Variants in FGF12 observed in about 807,000 individuals in gnomAD.
The protein encoded by FGF12 is fibroblast growth factor 12B.
FGF12 carries 14 observed loss-of-function variants against 23.6 expected under a neutral mutation model. The observed-to-expected ratio is 0.59, with a 90% CI of 0.39 to 0.93. The LOEUF (loss-of-function observed/expected upper bound fraction) is 0.93, where lower values mean the gene tolerates loss of function less well. Ranked by LOEUF, FGF12 falls within the 40% of genes least tolerant of loss-of-function variation. FGF12 has a pLI of 0.00. For missense variants in FGF12, 175 were observed against 217.8 expected, an observed-to-expected ratio of 0.80 and a Z score of 1.24; for synonymous variants, 62 against 77.3, an observed-to-expected ratio of 0.80 and a Z score of 1.04.
chr3:192,393,849 A>G (rs551876353), intron 2 of FGF12, among the ~76,000 whole-genome samples: 57 of 152,290 alleles, frequency 3.7e-4, no homozygotes, highest in Non-Finnish European at 6.3e-4. Context: ...CAAGGCTGAT[A>G]TTTAGTAAAC....
At chr3:192,568,359 C>A (rs546946578) in intron 2 of FGF12, among the ~76,000 whole-genome samples, 1 of 152,152 alleles carries the variant, frequency 6.6e-6, no homozygotes. Context: ...GGAGCTCATG[C>A]ATGTACACAT....
chr3:192,670,631 A>G (rs1717075671), intron 2 of FGF12, among the ~76,000 whole-genome samples: 2 of 152,216 alleles, frequency 1.3e-5, no homozygotes, highest in South Asian at 4.1e-4. Flanking sequence ...ATATGAGCAC[A>G]ATAAATAGAC....
In FGF12 at chr3:192,686,959, G is replaced by T. The variant is rs184347927; in HGVS notation, c.13+40222C>A. Among the ~76,000 whole-genome samples, 20 of 149,802 alleles carry T rather than the reference G, an allele frequency of 1.3e-4. No individual in the cohort carries two copies. In the East Asian group the frequency reaches 4.0e-3, roughly 30 times the overall value. ...TTCTCCTGCCTCAGCCTCCCGAGTA[G>T]CTGGGACTACAGGCACCCGCCACCA... is the stretch of plus-strand genomic sequence containing the variant. On this transcript the variant is annotated intron_variant, in intron 2 of 5. Coordinates refer to ENST00000445105, the MANE Select transcript of FGF12 (RefSeq NM_004113.6).
In FGF12 at chr3:192,636,364, T is replaced by C. The variant is rs1302011148; in HGVS notation, c.13+90817A>G. Among the ~76,000 whole-genome samples, 3 of 152,224 alleles carry C rather than the reference T, an allele frequency of 2.0e-5. 1 individual carries two copies. The highest frequency in any genetic ancestry group is 1.5e-5 in the Non-Finnish European group (1 of 68,032). ...ACATTTTGAGGGTTCAAATGCCACA[T>C]GTGGCCACTATATTAGACAGCCCAG... On this transcript the variant is annotated intron_variant, in intron 2 of 5. Transcript: ENST00000445105.
chr3:192,177,195 G>A (rs542478093), intron 4 of FGF12, among the ~76,000 whole-genome samples: 30 of 152,302 alleles, frequency 2.0e-4, no homozygotes, highest in African/African-American at 6.7e-4. Flanking sequence ...TAACCTCTCT[G>A]AGCCTCAACT....
chr3:192,657,484 G>A (rs1716480700), intron 2 of FGF12, among the ~76,000 whole-genome samples: 1 of 151,542 alleles, frequency 6.6e-6, no homozygotes, highest in Non-Finnish European at 1.5e-5. Flanking sequence ...CTCCCATAGT[G>A]TAGGGGGAGA....
intron 2 of FGF12, among the ~76,000 whole-genome samples, chr3:192,709,305 T>C (rs534770770): frequency 6.6e-6 from 1 of 152,276 alleles, no homozygotes; most frequent in East Asian, 1.9e-4. Context: ...TCCAAGCCAT[T>C]CTCTCTTTAT....
intron 2 of FGF12, among the ~76,000 whole-genome samples, chr3:192,560,440 G>A (rs1429703193): frequency 6.6e-6 from 1 of 151,838 alleles, no homozygotes; most frequent in East Asian, 1.9e-4. Flanking sequence ...TAATAAGATG[G>A]TTAAACCCTA....
At chr3:192,154,886 G>A (rs1418351882) in intron 5 of FGF12, among the ~76,000 whole-genome samples, 11 of 137,360 alleles carry the variant, frequency 8.0e-5, no homozygotes, top group Admixed American at 2.2e-4. Flanking sequence ...AACAAGCCTG[G>A]GCAATGGCGG....
intron 2 of FGF12, among the ~76,000 whole-genome samples, chr3:192,540,250 C>A (rs904184958): frequency 6.6e-6 from 1 of 151,930 alleles, no homozygotes; most frequent in African/African-American, 2.4e-5. Flanking sequence ...TTTGAAGTTT[C>A]TCTAATTTTT....
chr3:192,218,091 CCA>C (rs1718287005), intron 4 of FGF12, among the ~76,000 whole-genome samples: 1 of 152,158 alleles, frequency 6.6e-6, no homozygotes, highest in Non-Finnish European at 1.5e-5. Flanking sequence ...CGTCGGCCTC[CCA>C]AAATGCTGGG....
At chr3:192,456,907 C>A (rs1387405660) in intron 2 of FGF12, among the ~76,000 whole-genome samples, 1 of 152,150 alleles carries the variant, frequency 6.6e-6, no homozygotes, top group Non-Finnish European at 1.5e-5. Context: ...GTGTCCCTAC[C>A]CAAATCTCAT....
intron 4 of FGF12, among the ~76,000 whole-genome samples, chr3:192,270,431 T>C (rs1713360896): frequency 6.6e-6 from 1 of 152,034 alleles, no homozygotes; most frequent in African/African-American, 2.4e-5. Context: ...CTACTATTAC[T>C]GGGCAAAGTG....
At chr3:192,158,649 C>CCCT (rs1560171888) in intron 5 of FGF12, among the ~76,000 whole-genome samples, 2 of 9,960 alleles carry the variant, frequency 2.0e-4, no homozygotes, top group Non-Finnish European at 5.6e-4. Context: ...CCCTCCCTCC[C>CCCT]TCCCTCCCTT....
intron 4 of FGF12, among the ~76,000 whole-genome samples, chr3:192,210,992 G>C (rs902007091): frequency 8.5e-5 from 13 of 152,168 alleles, no homozygotes; most frequent in Admixed American, 7.9e-4. Flanking sequence ...AGGAGAGATT[G>C]CAAGGTTTAA....
intron 2 of FGF12, among the ~76,000 whole-genome samples, chr3:192,624,057 G>C (rs1354013194): frequency 6.6e-6 from 1 of 152,108 alleles, no homozygotes; most frequent in Non-Finnish European, 1.5e-5. Context: ...ACATTATGAG[G>C]CTCCGTGGTT....
intron 4 of FGF12, among the ~76,000 whole-genome samples, chr3:192,269,121 G>C (rs1713264748): frequency 6.6e-6 from 1 of 150,916 alleles, no homozygotes; most frequent in Non-Finnish European, 1.5e-5. Context: ...CACCATGTTG[G>C]CCAGGCTGGT....
At chr3:192,722,600 T>C (rs956059618) in intron 2 of FGF12, among the ~76,000 whole-genome samples, 2 of 152,202 alleles carry the variant, frequency 1.3e-5, no homozygotes, top group Non-Finnish European at 2.9e-5. Flanking sequence ...CTGATGTTTC[T>C]GGGAGCCCTC....
At chr3:192,715,387 G>A (rs1489168228) in intron 2 of FGF12, among the ~76,000 whole-genome samples, 1 of 152,178 alleles carries the variant, frequency 6.6e-6, no homozygotes, top group East Asian at 1.9e-4. Context: ...GACACTGGAT[G>A]AATGAACTAA....
Sources: allele counts gnomAD v4.1 joint callset (sites outside exome capture counted in the v4.1 genomes callset), GRCh38; gene constraint gnomAD v4.1.1; transcripts MANE v1.5; gene names NCBI Gene and HGNC (gene_info 2026-07-23, HGNC 2026-07-21).